Variants in GLDC observed in about 807,000 individuals in gnomAD.
The protein encoded by GLDC is glycine dehydrogenase (decarboxylating), mitochondrial.
A neutral mutation model predicts 121.3 loss-of-function variants in GLDC; 104 were observed. That is an observed-to-expected ratio of 0.86 (90% CI 0.73 to 1.01). The LOEUF (loss-of-function observed/expected upper bound fraction) is 1.01. GLDC is among the 50% of genes least tolerant of loss of function. The probability of loss-of-function intolerance (pLI) is 0.00; values close to 1 mark genes in which losing one functional copy is unlikely to be tolerated. For missense variants in GLDC, 1,429 were observed against 1,306.6 expected (o/e 1.09, Z -1.44); for synonymous variants, 546 against 480.6 (o/e 1.14, Z -1.78).
At chr9:6,632,802 T>A (rs890133259) in intron 2 of GLDC, among the ~76,000 whole-genome samples, 4 of 152,260 alleles carry the variant, frequency 2.6e-5, no homozygotes, top group Admixed American at 6.5e-5. Context: ...GACCTTGAAG[T>A]CCTCCCCTCG....
chr9:6,584,808 G>C (rs943729760), intron 15 of GLDC, among the ~76,000 whole-genome samples: 2 of 152,192 alleles, frequency 1.3e-5, no homozygotes, highest in African/African-American at 4.8e-5. Context: ...GGAATCTCAG[G>C]AACTGGAGAA....
intron 3 of GLDC, among the ~76,000 whole-genome samples, chr9:6,618,037 C>T (rs529298794): frequency 1.3e-5 from 2 of 152,268 alleles, no homozygotes; most frequent in South Asian, 4.1e-4. Flanking sequence ...GATGATCCTG[C>T]TAGAAATTAA....
intron 7 of GLDC, among the ~76,000 whole-genome samples, chr9:6,604,005 G>T (rs1818679523): frequency 1.3e-5 from 2 of 151,876 alleles, no homozygotes; most frequent in African/African-American, 4.8e-5. Context: ...TGGGATTACA[G>T]GTGTGAGCCA....
At chr9:6,604,015 A>G (rs1447702587) in intron 7 of GLDC, among the ~76,000 whole-genome samples, 1 of 151,512 alleles carries the variant, frequency 6.6e-6, no homozygotes, top group East Asian at 1.9e-4. Flanking sequence ...GGTGTGAGCC[A>G]CCGCACCCAG....
In GLDC at chr9:6,547,816, A is replaced by G. The variant is rs890579535; in HGVS notation, c.2569+2987T>C. The stretch of plus-strand genomic sequence containing the variant: ...ACAGGGGAAAATGCTCATAATATAC[A>G]TTTAAAAAATAGGCTAAAAACTGTA... On this transcript the variant is annotated intron_variant, in intron 21 of 24. Transcript: ENST00000321612. Among the ~76,000 whole-genome samples the G allele has an allele frequency of 5.3e-5, 8 of 152,298 alleles. No homozygotes were observed. In the South Asian group the frequency reaches 1.7e-3, roughly 32 times the overall value.
At chr9:6,535,904 T>C (rs776781026) in intron 23 of GLDC, 160 bp downstream of exon 23, 12 of 705,592 alleles carry the variant, frequency 1.7e-5, no homozygotes, top group Non-Finnish European at 2.5e-5. Context: ...TTCAAGACGA[T>C]GGAAACTTCA....
chr9:6,589,124 G>A (rs1818325898), intron 12 of GLDC, 71 bp downstream of exon 12: 6 of 933,986 alleles, frequency 6.4e-6, no homozygotes, highest in Non-Finnish European at 8.9e-6. Context: ...GAAATCAGCA[G>A]CAGCACTCTG....
At chr9:6,558,879 T>C (rs929778084) in intron 16 of GLDC, among the ~76,000 whole-genome samples, 195 bp from the exon 17 acceptor site, 1 of 152,244 alleles carries the variant, frequency 6.6e-6, no homozygotes, top group African/African-American at 2.4e-5. Context: ...AAAGTTTCCA[T>C]ATGAATCCCT....
intron 4 of GLDC, among the ~76,000 whole-genome samples, 167 bp from the exon 5 acceptor site, chr9:6,606,836 G>A (rs1818744558): frequency 6.6e-6 from 1 of 152,160 alleles, no homozygotes; most frequent in African/African-American, 2.4e-5. Context: ...ACTTTGGGAG[G>A]CCGAGGCGGG....
At chr9:6,641,256 A>T (rs1296384530) in intron 2 of GLDC, among the ~76,000 whole-genome samples, 1 of 152,210 alleles carries the variant, frequency 6.6e-6, no homozygotes, top group Non-Finnish European at 1.5e-5. Context: ...ATCACTGCTC[A>T]TTCTTCAGTA....
At chr9:6,541,245 A>G (rs1291987033) in intron 21 of GLDC, 1 of 152,132 alleles carries the variant, frequency 6.6e-6, no homozygotes. Flanking sequence ...TCAGGAATAA[A>G]CCATTAAGTC....
chr9:6,644,694 T>C lies in GLDC; in HGVS notation c.256-2A>G. 1 of 1,607,838 alleles carries C rather than the reference T, an allele frequency of 6.2e-7. No homozygotes were observed. Among genetic ancestry groups the C allele is most frequent in the Non-Finnish European group, 8.5e-7 (1 of 1,174,474 alleles). On this transcript the variant is annotated splice_acceptor_variant, in intron 1 of 24. Coordinates refer to ENST00000321612, the MANE Select transcript of GLDC (RefSeq NM_000170.3). LOFTEE classifies it high-confidence loss of function. ...CTTCTCGATCAATTCATCAATGCTC[T>C]AAAATTAAAACGCAAGGCAGAGGAA...
At chr9:6,584,738 A>C (rs1049771205) in intron 15 of GLDC, among the ~76,000 whole-genome samples, 4 of 152,200 alleles carry the variant, frequency 2.6e-5, no homozygotes, top group African/African-American at 4.8e-5. Context: ...TCTAAGCCTA[A>C]ACATTGTGCA....
At chr9:6,533,205 G>A in intron 24 of GLDC, 45 bp from the exon 25 acceptor site, 11 of 1,587,134 alleles carry the variant, frequency 6.9e-6, no homozygotes, top group South Asian at 1.1e-5. Context: ...GTTCTGGGAG[G>A]TTTCTCTTAG....
At chr9:6,644,582 C>CT (rs1277761923) in intron 2 of GLDC, 32 bp downstream of exon 2, 3 of 1,442,180 alleles carry the variant, frequency 2.1e-6, no homozygotes, top group Admixed American at 1.7e-5. Context: ...CCAGAATAAT[C>CT]TAAGTCCAAG....
At chr9:6,637,528 C>T (rs1316651494) in intron 2 of GLDC, among the ~76,000 whole-genome samples, 1 of 151,954 alleles carries the variant, frequency 6.6e-6, no homozygotes, top group African/African-American at 2.4e-5. Flanking sequence ...CAGCTCACTG[C>T]AACCTTCTCT....
Position 6,554,844 on chromosome 9 carries a change from G to T in GLDC, c.2203-63C>A, listed in dbSNP as rs2274874. The T allele has an allele frequency of 5.7e-4, 684 of 1,195,970 alleles. 4 individuals carry two copies. In the African/African-American group the frequency reaches 8.8e-3, roughly 15 times the overall value. 74.1% of individuals were successfully genotyped at this position (1,195,970 alleles called of 1,614,324 possible). ...GCTTGGAAGCACCCTCCAGTGTGAA[G>T]GCCATGGCTGGCCGGTGCTGCCTTC... On this transcript the variant is annotated intron_variant, in intron 18 of 24. Transcript: ENST00000321612.
intron 1 of GLDC, 110 bp from the exon 2 acceptor site, chr9:6,644,802 G>T: frequency 1.3e-6 from 1 of 763,792 alleles, no homozygotes; most frequent in Non-Finnish European, 2.3e-6. Context: ...GCCTAATTAG[G>T]GTTCTTTTTA....
intron 2 of GLDC, among the ~76,000 whole-genome samples, chr9:6,641,944 A>G (rs895014755): frequency 2.6e-5 from 4 of 152,184 alleles, no homozygotes; most frequent in African/African-American, 4.8e-5. Context: ...GTGCTCCACT[A>G]TTAAATGGAA....
Sources: allele counts gnomAD v4.1 joint callset (sites outside exome capture counted in the v4.1 genomes callset), GRCh38; gene constraint gnomAD v4.1.1; transcripts MANE v1.5; gene names NCBI Gene and HGNC (gene_info 2026-07-23, HGNC 2026-07-21).